Variants in SEMA6D observed in about 807,000 individuals in gnomAD.
SEMA6D encodes semaphorin-6D.
A neutral mutation model predicts 106.6 loss-of-function variants in SEMA6D; 35 were observed. The ratio of observed to expected loss-of-function variants is 0.33; its 90% CI spans 0.25 to 0.44. The LOEUF is 0.44. Ranked by LOEUF, SEMA6D falls within the 20% of genes least tolerant of loss-of-function variation. The pLI, the probability that SEMA6D is intolerant of heterozygous loss-of-function variation, is 1.00. For missense variants in SEMA6D, 1,185 were observed against 1,345.9 expected, an observed-to-expected ratio of 0.88 and a Z score of 1.87; for synonymous variants, 499 against 487.7, an observed-to-expected ratio of 1.02 and a Z score of -0.31.
At chr15:47,528,144 A>T (rs543347826) in intron 3 of SEMA6D, among the ~76,000 whole-genome samples, 1 of 152,294 alleles carries the variant, frequency 6.6e-6, no homozygotes, top group East Asian at 1.9e-4. Flanking sequence ...TTAAACTTTA[A>T]TGTGGACACT....
At chr15:47,612,212 G>T (rs923077680) in intron 4 of SEMA6D, among the ~76,000 whole-genome samples, 1 of 152,078 alleles carries the variant, frequency 6.6e-6, no homozygotes, top group African/African-American at 2.4e-5. Flanking sequence ...TTGTCCCTTT[G>T]CATGTTTGGA....
chr15:47,281,245 T>A (rs377298547), intron 1 of SEMA6D, among the ~76,000 whole-genome samples: 1 of 135,064 alleles, frequency 7.4e-6, no homozygotes, highest in South Asian at 2.7e-4. Flanking sequence ...AGGATAGTTA[T>A]CTCTTCTTGT....
intron 1 of SEMA6D, among the ~76,000 whole-genome samples, chr15:47,727,427 G>A (rs2079828615): frequency 6.6e-6 from 1 of 152,186 alleles, no homozygotes; most frequent in Non-Finnish European, 1.5e-5. Context: ...TGTAGCCAGA[G>A]CTCCTCAAAC....
chr15:47,469,507 C>G (rs2042767846), intron 2 of SEMA6D, among the ~76,000 whole-genome samples: 1 of 152,108 alleles, frequency 6.6e-6, no homozygotes, highest in Non-Finnish European at 1.5e-5. Flanking sequence ...ATTAACAACT[C>G]CAGATATTAG....
intron 3 of SEMA6D, among the ~76,000 whole-genome samples, chr15:47,535,080 A>C (rs1286183578): frequency 6.6e-6 from 1 of 151,654 alleles, no homozygotes; most frequent in Non-Finnish European, 1.5e-5. Context: ...AAAAAAAAAA[A>C]AAACACAAAA....
At chr15:47,665,290 T>C (rs561691160) in intron 4 of SEMA6D, among the ~76,000 whole-genome samples, 10 of 152,226 alleles carry the variant, frequency 6.6e-5, no homozygotes, top group Non-Finnish European at 1.3e-4. Context: ...GTTTAATTGT[T>C]CTAAACTATT....
intron 4 of SEMA6D, among the ~76,000 whole-genome samples, chr15:47,681,191 T>C (rs2078345659): frequency 6.6e-6 from 1 of 152,190 alleles, no homozygotes; most frequent in African/African-American, 2.4e-5. Flanking sequence ...TGTAAATGCA[T>C]ATGAAAATAT....
chr15:47,337,250 C>A (rs2037605413), intron 1 of SEMA6D, among the ~76,000 whole-genome samples: 2 of 152,080 alleles, frequency 1.3e-5, no homozygotes, highest in South Asian at 4.1e-4. Flanking sequence ...TGCAGCAGTG[C>A]AGAGATGGGT....
chr15:47,507,000 C>T (rs142650223), intron 3 of SEMA6D, among the ~76,000 whole-genome samples: 153 of 152,224 alleles, frequency 1.0e-3, no homozygotes, highest in East Asian at 9.7e-3. Context: ...AAAAAGGAAG[C>T]GCTGCCTGAG....
intron 1 of SEMA6D, 138 bp from the exon 2 acceptor site, chr15:47,759,607 A>T: frequency 1.7e-6 from 1 of 593,108 alleles, no homozygotes. Flanking sequence ...TTTTGGCGAT[A>T]CCTGATCTAC....
At chr15:47,505,253 G>A (rs545521677) in intron 3 of SEMA6D, among the ~76,000 whole-genome samples, 13 of 152,326 alleles carry the variant, frequency 8.5e-5, no homozygotes, top group Non-Finnish European at 1.5e-4. Flanking sequence ...AGCTCTGCCA[G>A]CAGTAAGCTG....
chr15:47,616,491 C>G (rs2077008792), intron 4 of SEMA6D, among the ~76,000 whole-genome samples: 1 of 151,078 alleles, frequency 6.6e-6, no homozygotes, highest in South Asian at 2.1e-4. Flanking sequence ...ATTTTCAGTG[C>G]TCTACTTGGC....
chr15:47,303,129 C>T (rs748033090), intron 1 of SEMA6D, among the ~76,000 whole-genome samples: 1 of 152,190 alleles, frequency 6.6e-6, no homozygotes, highest in Non-Finnish European at 1.5e-5. Context: ...TAAGGGAGAA[C>T]AGGAGCAAAA....
chr15:47,559,340 A>G (rs2046011113), intron 3 of SEMA6D, among the ~76,000 whole-genome samples: 1 of 152,112 alleles, frequency 6.6e-6, no homozygotes, highest in Non-Finnish European at 1.5e-5. Flanking sequence ...AAATTAACCA[A>G]AGACAGACAA....
At chr15:47,253,138 T>G (rs1275417349) in intron 1 of SEMA6D, among the ~76,000 whole-genome samples, 1 of 152,224 alleles carries the variant, frequency 6.6e-6, no homozygotes, top group Non-Finnish European at 1.5e-5. Context: ...ATTTACCTAA[T>G]GATTAGTGAT....
At chr15:47,686,091 G>GA (rs1401539257) in intron 4 of SEMA6D, among the ~76,000 whole-genome samples, 1 of 151,924 alleles carries the variant, frequency 6.6e-6, no homozygotes. Context: ...TATCCAGGTG[G>GA]AAAAAAATGG....
intron 1 of SEMA6D, among the ~76,000 whole-genome samples, chr15:47,301,220 G>T (rs2036003751): frequency 6.6e-6 from 1 of 152,152 alleles, no homozygotes; most frequent in Admixed American, 6.5e-5. Context: ...ACATTCAGTG[G>T]CTCCATGATT....
intron 1 of SEMA6D, among the ~76,000 whole-genome samples, chr15:47,302,100 A>G (rs1319229089): frequency 2.0e-5 from 3 of 152,132 alleles, no homozygotes; most frequent in African/African-American, 4.8e-5. Flanking sequence ...TAATTCTTGT[A>G]AAATCCCTGA....
chr15:47,252,974 C>G (rs1464461330), intron 1 of SEMA6D, among the ~76,000 whole-genome samples: 1 of 151,986 alleles, frequency 6.6e-6, no homozygotes, highest in Non-Finnish European at 1.5e-5. Context: ...AATCTCCATA[C>G]TGTTTTCCAT....
Sources: gnomAD v4.1 joint callset for allele counts (sites outside exome capture counted in the v4.1 genomes callset) on GRCh38, gnomAD v4.1.1 for gene constraint, MANE v1.5 for transcripts, NCBI Gene and HGNC (gene_info 2026-07-23, HGNC 2026-07-21) for gene names.